P2RY8: variants seen among roughly 807,000 people sequenced by gnomAD.
P2RY8 encodes S-geranylgeranyl-glutathione receptor P2RY8.
Under a neutral mutation model 10.0 loss-of-function variants are expected in P2RY8, and 6 were observed. The observed-to-expected ratio is 0.60, with a 90% CI of 0.33 to 1.19. The LOEUF is 1.19. P2RY8 is among the 50% of genes most tolerant of loss of function. The pLI, the probability that P2RY8 is intolerant of heterozygous loss-of-function variation, is 0.04. For missense variants in P2RY8, 456 were observed against 542.0 expected (o/e 0.84, Z 1.58); for synonymous variants, 276 against 252.5 (o/e 1.09, Z -0.88).
chrX:1,536,086 A>G (rs1466353982), intron 1 of P2RY8, among the ~76,000 whole-genome samples: 1 of 151,970 alleles, frequency 6.6e-6, no homozygotes, highest in Non-Finnish European at 1.5e-5. Context: ...CATTATTGGA[A>G]CGCTAAGCAT....
chrX:1,533,848 T>G (rs2092501985), intron 1 of P2RY8, among the ~76,000 whole-genome samples: 1 of 122,364 alleles, frequency 8.2e-6, no homozygotes, highest in African/African-American at 3.3e-5. Context: ...TTTATTTAAA[T>G]ATATTATGTA....
intron 1 of P2RY8, among the ~76,000 whole-genome samples, chrX:1,518,438 A>AT (rs1491571411): frequency 1.5e-5 from 2 of 129,836 alleles, no homozygotes; most frequent in Non-Finnish European, 3.4e-5. Flanking sequence ...AAAAAAAAAA[A>AT]TAATAATAAT....
chrX:1,527,568 C>A (rs1240319254), intron 1 of P2RY8, among the ~76,000 whole-genome samples: 1 of 151,742 alleles, frequency 6.6e-6, no homozygotes, highest in Admixed American at 6.6e-5. Context: ...ATCATTTATT[C>A]CTTATTCATC....
chrX:1,491,861 G>A (rs6644715), intron 1 of P2RY8, among the ~76,000 whole-genome samples: 3 of 152,204 alleles, frequency 2.0e-5, no homozygotes, highest in African/African-American at 7.2e-5. Flanking sequence ...AATGTGTGGA[G>A]CAAATGAGTA....
intron 1 of P2RY8, among the ~76,000 whole-genome samples, chrX:1,500,172 A>C (rs770839192): frequency 2.0e-4 from 31 of 151,448 alleles, no homozygotes; most frequent in African/African-American, 7.3e-4. Flanking sequence ...GTTGTTTTTT[A>C]ATGTTTTTTT....
chrX:1,465,779 G>A lies in P2RY8; in HGVS notation c.780C>T (p.His260=), dbSNP rs2091661283. The A allele has an allele frequency of 6.2e-7, 1 of 1,613,542 alleles. No homozygotes were observed. Among genetic ancestry groups the A allele is most frequent in the Non-Finnish European group, 8.5e-7 (1 of 1,179,844 alleles). The change falls in exon 2 of 2, where the codon CAC becomes CAT. Residue 260 remains histidine, a synonymous_variant. Transcript: ENST00000381297. ...FAPNNFVLLA[H]IVSRLFYGKS... is the part of the protein sequence containing the mutation. ...TGCCGTAGAACAGGCGGCTCACGAT[G>A]TGCGCCAGGAGCACGAAGTTGTTGG...
At chrX:1,506,839 G>A (rs1425289576) in intron 1 of P2RY8, among the ~76,000 whole-genome samples, 19 of 151,770 alleles carry the variant, frequency 1.3e-4, no homozygotes, top group East Asian at 1.9e-4. Context: ...CACCACGCCC[G>A]GCTAATTTTT....
intron 1 of P2RY8, among the ~76,000 whole-genome samples, chrX:1,487,238 T>C (rs149624394): frequency 6.6e-6 from 1 of 152,258 alleles, no homozygotes; most frequent in East Asian, 1.9e-4. Flanking sequence ...ATTTCCTCCT[T>C]GTCTTTCCCG....
In P2RY8 at chrX:1,466,020, T is replaced by C. The variant is rs752078790; in HGVS notation, c.539A>G (p.Lys180Arg). 1 of 1,611,996 alleles carries C rather than the reference T, an allele frequency of 6.2e-7. No individual in the cohort carries two copies. Among genetic ancestry groups the C allele is most frequent in the Admixed American group, 1.7e-5 (1 of 60,020 alleles). Residue 180 changes from lysine to arginine, a missense_variant, in exon 2 of 2, where the codon AAG (lysine) becomes AGG (arginine). Coordinates refer to ENST00000381297, the MANE Select transcript of P2RY8 (RefSeq NM_178129.5). Reference sequence around the variant, plus strand: ...GGCCACGCTGGGGAGCATCGTCCACTTGAGGACGTCGAAGCAGGTGATGAT... The same window carrying C: ...GGCCACGCTGGGGAGCATCGTCCACCTGAGGACGTCGAAGCAGGTGATGAT... ...LGIITCFDVL[K>R]WTMLPSVAMW...
chrX:1,516,418 C>T (rs2092349882), intron 1 of P2RY8, among the ~76,000 whole-genome samples: 1 of 151,746 alleles, frequency 6.6e-6, no homozygotes, highest in African/African-American at 2.4e-5. Flanking sequence ...GGATCTCAGA[C>T]TTCCAGCCTC....
chrX:1,478,792 T>C (rs4933157), intron 1 of P2RY8, among the ~76,000 whole-genome samples: 80,798 of 151,750 alleles, frequency 0.53, 21,727 homozygotes, highest in South Asian at 0.65. Flanking sequence ...TATCTTTTTA[T>C]GTGAACATAG....
At chrX:1,469,208 G>C (rs1211318614) in intron 1 of P2RY8, among the ~76,000 whole-genome samples, 2 of 142,938 alleles carry the variant, frequency 1.4e-5, no homozygotes, top group Non-Finnish European at 3.0e-5. Context: ...CTGTCATCCA[G>C]GCTGGAATGC....
At chrX:1,535,728 GACAC>G (rs1394998161) in intron 1 of P2RY8, among the ~76,000 whole-genome samples, 262 of 54,900 alleles carry the variant, frequency 4.8e-3, no homozygotes, top group Middle Eastern at 0.023. Flanking sequence ...CACACACACA[GACAC>G]ACACACACAC....
At chrX:1,524,113 G>A (rs1287330379) in intron 1 of P2RY8, among the ~76,000 whole-genome samples, 2 of 152,070 alleles carry the variant, frequency 1.3e-5, no homozygotes, top group Non-Finnish European at 2.9e-5. Flanking sequence ...CCGTAACCCC[G>A]TTCCTGTTTG....
At chrX:1,523,112 A>AATAT (rs1341140756) in intron 1 of P2RY8, among the ~76,000 whole-genome samples, 5 of 151,196 alleles carry the variant, frequency 3.3e-5, no homozygotes, top group Non-Finnish European at 7.4e-5. Context: ...TAAATAAATA[A>AATAT]ATAAATAAAA....
At chrX:1,535,277 TC>T (rs1171897342) in intron 1 of P2RY8, among the ~76,000 whole-genome samples, 1 of 130,888 alleles carries the variant, frequency 7.6e-6, no homozygotes, top group Admixed American at 9.5e-5. Flanking sequence ...AACCTCCGCC[TC>T]CTGGGTTCAA....
chrX:1,518,793 G>C (rs1164498482), intron 1 of P2RY8, among the ~76,000 whole-genome samples: 1 of 151,840 alleles, frequency 6.6e-6, no homozygotes, highest in Non-Finnish European at 1.5e-5. Flanking sequence ...TATTCTTTCT[G>C]GTTCCCCAAA....
In P2RY8 at chrX:1,509,710, AT is replaced by A. The variant is rs2092280165; in HGVS notation, c.-25+27210del. On this transcript the variant is annotated intron_variant, in intron 1 of 1. Coordinates refer to ENST00000381297, the MANE Select transcript of P2RY8 (RefSeq NM_178129.5). ...CATCCATCCATCCATCCATCCATTT[AT>A]TCTATCTATGCATCTATGTATCTAT... 7.2e-5 allele frequency among the ~76,000 whole-genome samples: 7 copies of A among 97,724 alleles called. 1 individual carries two copies. Among genetic ancestry groups the A allele is most frequent in the African/African-American group, 2.6e-4 (6 of 22,954 alleles). 64.1% of individuals were successfully genotyped at this position (97,724 alleles called of 152,430 possible).
chrX:1,473,377 GTGGGTGGGTGGA>G (rs201299432), intron 1 of P2RY8, among the ~76,000 whole-genome samples: 60,525 of 118,080 alleles, frequency 0.51, 15,389 homozygotes, highest in South Asian at 0.63. Flanking sequence ...GGGTGAGTGG[GTGGGTGGGTGGA>G]TGGGTGGGTG....
Sources: allele counts gnomAD v4.1 joint callset (sites outside exome capture counted in the v4.1 genomes callset), GRCh38; gene constraint gnomAD v4.1.1; transcripts MANE v1.5; gene names NCBI Gene and HGNC (gene_info 2026-07-23, HGNC 2026-07-21).